Variants in VAT1L observed in about 807,000 individuals in gnomAD.
The protein encoded by VAT1L is putative NADPH-dependent quinone oxidoreductase VAT1L.
Under a neutral mutation model 44.1 loss-of-function variants are expected in VAT1L, and 34 were observed. The observed-to-expected ratio is 0.77, with a 90% CI of 0.59 to 1.03. The LOEUF (loss-of-function observed/expected upper bound fraction) is 1.03. Among genes scored for constraint, VAT1L ranks in the 50% least tolerant of loss-of-function variants. The pLI, the probability that VAT1L is intolerant of heterozygous loss-of-function variation, is 0.00. For synonymous variants in VAT1L, 253 were observed against 202.2 expected (o/e 1.25, Z -2.13); for missense variants, 615 against 538.8 (o/e 1.14, Z -1.40).
intron 7 of VAT1L, among the ~76,000 whole-genome samples, chr16:77,927,901 A>G (rs941438270): frequency 1.3e-5 from 2 of 152,156 alleles, no homozygotes; most frequent in Admixed American, 6.6e-5. Flanking sequence ...TAAACTTTTC[A>G]ATTTCCTTTG....
At chr16:77,841,283 A>G (rs143189807) in intron 3 of VAT1L, among the ~76,000 whole-genome samples, 49 of 152,264 alleles carry the variant, frequency 3.2e-4, no homozygotes, top group Middle Eastern at 3.4e-3. Flanking sequence ...GGAACTCACT[A>G]TTTGGTCCAG....
At chr16:77,961,200 G>A (rs190333407) in intron 7 of VAT1L, among the ~76,000 whole-genome samples, 8 of 152,140 alleles carry the variant, frequency 5.3e-5, no homozygotes, top group Admixed American at 1.3e-4. Context: ...TTGGCTGCAC[G>A]TCTATTCACA....
intron 3 of VAT1L, among the ~76,000 whole-genome samples, chr16:77,845,536 A>C (rs933162946): frequency 2.0e-5 from 3 of 152,032 alleles, no homozygotes; most frequent in African/African-American, 7.3e-5. Flanking sequence ...AACTATATGC[A>C]CCCACACTTT....
At chr16:77,839,550 A>G (rs959168085) in intron 3 of VAT1L, among the ~76,000 whole-genome samples, 42 of 139,096 alleles carry the variant, frequency 3.0e-4, no homozygotes, top group African/African-American at 9.6e-4. Context: ...AAAAAAAAAA[A>G]AAAAAAAAAA....
intron 3 of VAT1L, among the ~76,000 whole-genome samples, chr16:77,860,503 T>C (rs543784349): frequency 3.9e-4 from 60 of 152,266 alleles, no homozygotes; most frequent in Admixed American, 1.3e-3. Context: ...AATAGTTGAA[T>C]GAATAAATGA....
chr16:77,969,193 T>A (rs767062457), intron 7 of VAT1L, among the ~76,000 whole-genome samples: 2 of 152,202 alleles, frequency 1.3e-5, no homozygotes, highest in Non-Finnish European at 2.9e-5. Flanking sequence ...ATCAGCACAC[T>A]CCCAAGTCTG....
chr16:77,878,108 A>T (rs985961343), intron 5 of VAT1L, among the ~76,000 whole-genome samples: 4 of 152,224 alleles, frequency 2.6e-5, no homozygotes, highest in African/African-American at 9.6e-5. Flanking sequence ...TATCTACTTC[A>T]TTACGTTGAT....
chr16:77,895,956 C>T (rs1378896564), intron 7 of VAT1L, among the ~76,000 whole-genome samples: 1 of 152,142 alleles, frequency 6.6e-6, no homozygotes, highest in Non-Finnish European at 1.5e-5. Flanking sequence ...CAGGCCTGTG[C>T]CACAGCCTGG....
chr16:77,903,898 A>T (rs560855256), intron 7 of VAT1L, among the ~76,000 whole-genome samples: 4 of 151,700 alleles, frequency 2.6e-5, no homozygotes, highest in Non-Finnish European at 5.9e-5. Context: ...CACCACGCCC[A>T]GCTAATTTTT....
chr16:77,934,138 G>C (rs534999254), intron 7 of VAT1L, among the ~76,000 whole-genome samples: 8 of 152,276 alleles, frequency 5.3e-5, no homozygotes, highest in Admixed American at 2.0e-4. Flanking sequence ...CTGTTCAAAA[G>C]AGAAGGTGAA....
At chr16:77,881,518 G>C (rs1263041198) in intron 6 of VAT1L, among the ~76,000 whole-genome samples, 1 of 152,242 alleles carries the variant, frequency 6.6e-6, no homozygotes, top group Non-Finnish European at 1.5e-5. Context: ...TCAGTGAAAA[G>C]TATGGTAAGG....
intron 3 of VAT1L, among the ~76,000 whole-genome samples, chr16:77,835,120 G>C (rs1597058113): frequency 6.6e-6 from 1 of 151,914 alleles, no homozygotes. Flanking sequence ...TTTGTGTCTG[G>C]TTCCTGCCAC....
At chr16:77,895,100 C>CCACACACACA (rs67138523) in intron 7 of VAT1L, among the ~76,000 whole-genome samples, 8,652 of 145,188 alleles carry the variant, frequency 0.06, 370 homozygotes, top group Non-Finnish European at 0.083. Context: ...AGCCACTTGC[C>CCACACACACA]CACACACACA....
chr16:77,974,665 C>T (rs1358299471), intron 8 of VAT1L, among the ~76,000 whole-genome samples: 1 of 152,076 alleles, frequency 6.6e-6, no homozygotes, highest in South Asian at 2.1e-4. Context: ...TGGGTTCAAG[C>T]GATCCTCCCA....
intron 3 of VAT1L, among the ~76,000 whole-genome samples, chr16:77,856,812 G>T (rs908528080): frequency 1.3e-5 from 2 of 152,310 alleles, no homozygotes; most frequent in East Asian, 3.9e-4. Context: ...ATGGCAACTC[G>T]AGGGCTTAGC....
chr16:77,932,549 G>A (rs918314400), intron 7 of VAT1L, among the ~76,000 whole-genome samples: 2 of 152,144 alleles, frequency 1.3e-5, no homozygotes, highest in Admixed American at 1.3e-4. Flanking sequence ...CTGAATACAA[G>A]TTCACAAGAT....
chr16:77,818,992 C>G (rs1424940069), intron 2 of VAT1L, among the ~76,000 whole-genome samples: 2 of 148,058 alleles, frequency 1.4e-5, no homozygotes, highest in Non-Finnish European at 3.0e-5. Flanking sequence ...GCATTTTGGC[C>G]AGGACTGATT....
intron 1 of VAT1L, among the ~76,000 whole-genome samples, chr16:77,812,222 G>A (rs1485187968): frequency 2.6e-5 from 4 of 151,844 alleles, no homozygotes; most frequent in East Asian, 1.9e-4. Flanking sequence ...ATAGGCGTGC[G>A]CTATCACGCC....
chr16:77,848,328 G>A (rs940958687), intron 3 of VAT1L, among the ~76,000 whole-genome samples: 1 of 152,162 alleles, frequency 6.6e-6, no homozygotes, highest in Non-Finnish European at 1.5e-5. Context: ...TCTTGCACCA[G>A]GTAGGAGGTT....
Sources: allele counts gnomAD v4.1 joint callset (sites outside exome capture counted in the v4.1 genomes callset), GRCh38; gene constraint gnomAD v4.1.1; transcripts MANE v1.5; gene names NCBI Gene and HGNC (gene_info 2026-07-23, HGNC 2026-07-21).